The following ANXA11 variants were observed in gnomAD, a reference collection of about 807,000 sequenced individuals.
ANXA11 encodes annexin A11, also known as 56 kDa autoantigen.
ANXA11 carries 57 observed loss-of-function variants against 64.7 expected under a neutral mutation model. The observed-to-expected ratio is 0.88, with a 90% CI of 0.71 to 1.10. The LOEUF (loss-of-function observed/expected upper bound fraction) is 1.10, where lower values mean the gene tolerates loss of function less well. Among genes scored for constraint, ANXA11 ranks in the 50% least tolerant of loss-of-function variants. ANXA11 has a pLI of 0.00. For missense variants in ANXA11, 675 were observed against 670.7 expected (o/e 1.01, Z -0.07); for synonymous variants, 260 against 265.2 (o/e 0.98, Z 0.19).
At chr10:80,188,355 C>G (rs1461414717) in intron 1 of ANXA11, among the ~76,000 whole-genome samples, 1 of 151,894 alleles carries the variant, frequency 6.6e-6, no homozygotes, top group East Asian at 1.9e-4. Context: ...CATTCTAGCT[C>G]TACCTCTTGT....
Position 80,155,865 on chromosome 10 carries a change from A to G in ANXA11, c.1506T>C (p.Gly502=). The G allele has an allele frequency of 6.2e-7, 1 of 1,614,216 alleles. No individual in the cohort carries two copies. Among genetic ancestry groups the G allele is most frequent in the Non-Finnish European group, 8.5e-7 (1 of 1,180,030 alleles). Residue 502 remains glycine (G), a synonymous_variant, in exon 16 of 16, where the codon GGT becomes GGC. Coordinates refer to ENST00000422982, the MANE Select transcript of ANXA11 (RefSeq NM_145868.2). ...DYRKILLKIC[G]GND is the part of the protein sequence containing the mutation. ...CACCAGTCACTGTTCAGTCATTGCC[A>G]CCACAGATCTTCAGCAGAATCTTCC...
At chr10:80,202,250 G>A (rs1220395111) in intron 1 of ANXA11, among the ~76,000 whole-genome samples, 2 of 152,088 alleles carry the variant, frequency 1.3e-5, no homozygotes, top group Admixed American at 6.5e-5. Context: ...AGGATACCTA[G>A]CACAGAGAAC....
intron 1 of ANXA11, among the ~76,000 whole-genome samples, chr10:80,177,103 C>T (rs911307553): frequency 4.6e-5 from 7 of 151,978 alleles, no homozygotes; most frequent in Non-Finnish European, 8.8e-5. Context: ...CCCTAGCCTC[C>T]CAAGTAGCTG....
In ANXA11 at chr10:80,151,016, T is replaced by C. The variant is rs138384433; in HGVS notation, c.*4837A>G. ...TGCTGCTTTTGTGGAAGGACAGACT[T>C]GTGGAATTTCCTATTCCATTTCGTT... On this transcript the variant is annotated 3_prime_UTR_variant, in exon 16 of 16. Coordinates refer to ENST00000422982, the MANE Select transcript of ANXA11 (RefSeq NM_145868.2). 103 of 152,346 alleles carry C rather than the reference T, an allele frequency of 6.8e-4. No homozygotes were observed. Among genetic ancestry groups the C allele is most frequent in the African/African-American group, 2.2e-3 (93 of 41,580 alleles). 9.4% of individuals were successfully genotyped at this position (152,346 alleles called of 1,614,324 possible). A position where few individuals can be genotyped will look rare whatever the true frequency, so the allele number is the denominator to read the frequency against.
At chr10:80,202,206 C>CGGGG (rs1554836428) in intron 1 of ANXA11, among the ~76,000 whole-genome samples, 16 of 147,046 alleles carry the variant, frequency 1.1e-4, no homozygotes, top group African/African-American at 2.8e-4. Flanking sequence ...GGGGGGGAAG[C>CGGGG]GGGGGGTCTC....
chr10:80,156,521 T>C, intron 15 of ANXA11: 1 of 289,914 alleles, frequency 3.4e-6, no homozygotes, highest in Middle Eastern at 4.3e-4. Flanking sequence ...ATTAACTCTC[T>C]TTTTTTTTTT....
At chr10:80,168,947 G>A (rs1343805536) in intron 5 of ANXA11, 22 bp downstream of exon 5, 1 of 1,504,080 alleles carries the variant, frequency 6.6e-7, no homozygotes, top group Admixed American at 2.5e-5. Context: ...TGGACCAAGG[G>A]AGGCAGTGGG....
chr10:80,183,815 C>T (rs1447590160), intron 1 of ANXA11, among the ~76,000 whole-genome samples: 1 of 152,190 alleles, frequency 6.6e-6, no homozygotes, highest in African/African-American at 2.4e-5. Flanking sequence ...GTTCCAGAAA[C>T]CCTCAGTGCA....
intron 1 of ANXA11, among the ~76,000 whole-genome samples, chr10:80,187,469 C>T (rs909322620): frequency 3.9e-5 from 6 of 152,214 alleles, no homozygotes; most frequent in South Asian, 2.1e-4. Flanking sequence ...ATAAGCCACC[C>T]GGTCTATGAT....
intron 1 of ANXA11, among the ~76,000 whole-genome samples, chr10:80,187,464 C>T (rs986229199): frequency 6.6e-6 from 1 of 152,160 alleles, no homozygotes; most frequent in African/African-American, 2.4e-5. Context: ...TGTTTATAAG[C>T]CACCCGGTCT....
intron 15 of ANXA11, chr10:80,157,044 T>C: frequency 1.0e-6 from 1 of 985,278 alleles, no homozygotes; most frequent in Non-Finnish European, 1.2e-6. Flanking sequence ...GGCTAGTGTT[T>C]AATAGACACT....
At chr10:80,192,343 G>A (rs1846813461) in intron 1 of ANXA11, among the ~76,000 whole-genome samples, 1 of 151,908 alleles carries the variant, frequency 6.6e-6, no homozygotes, top group African/African-American at 2.4e-5. Context: ...GACAGCAAAG[G>A]GTCACAGGAC....
intron 1 of ANXA11, among the ~76,000 whole-genome samples, chr10:80,197,959 T>C (rs1328918208): frequency 5.3e-5 from 8 of 151,650 alleles, no homozygotes; most frequent in African/African-American, 1.4e-4. Flanking sequence ...CACTGGGTCT[T>C]GGAGGGGGCC....
Position 80,202,875 on chromosome 10 carries a change from G to A in ANXA11, c.-58+2468C>T, listed in dbSNP as rs569302542. Among the ~76,000 whole-genome samples the A allele has an allele frequency of 1.5e-3, 223 of 151,800 alleles. 1 individual carries two copies. Among genetic ancestry groups the A allele is most frequent in the African/African-American group, 4.8e-3 (197 of 41,410 alleles). On this transcript the variant is annotated intron_variant, in intron 1 of 15. Transcript: ENST00000422982. ...AGCCTGGCCAACATGGTGAAGCCCC[G>A]TCTCTACTAAAAATACAAAAATTAG...
intron 3 of ANXA11, chr10:80,171,710 T>A: frequency 1.0e-6 from 1 of 985,484 alleles, no homozygotes; most frequent in Non-Finnish European, 1.2e-6. Flanking sequence ...TCGGATCGGC[T>A]CTTCATCTCC....
intron 5 of ANXA11, among the ~76,000 whole-genome samples, chr10:80,167,856 C>T (rs1446563645): frequency 6.6e-6 from 1 of 152,166 alleles, no homozygotes; most frequent in African/African-American, 2.4e-5. Context: ...TCCTCCAGAC[C>T]CTGATAGCTG....
intron 9 of ANXA11, 132 bp downstream of exon 9, chr10:80,163,921 G>A: frequency 5.4e-6 from 4 of 743,502 alleles, no homozygotes; most frequent in Non-Finnish European, 2.2e-6. Context: ...CAAAGTATTG[G>A]GGGTGGCAGA....
chr10:80,190,742 C>T (rs1289546675), intron 1 of ANXA11, among the ~76,000 whole-genome samples: 1 of 149,664 alleles, frequency 6.7e-6, no homozygotes, highest in Non-Finnish European at 1.5e-5. Context: ...GCCTTGGCCT[C>T]CCAAAGTGCT....
chr10:80,168,029 A>G (rs544014399), intron 5 of ANXA11, among the ~76,000 whole-genome samples: 1 of 152,252 alleles, frequency 6.6e-6, no homozygotes, highest in Non-Finnish European at 1.5e-5. Context: ...ACGTGTGGGT[A>G]TGGAAGGGAA....
Sources: gnomAD v4.1 joint callset for allele counts (sites outside exome capture counted in the v4.1 genomes callset) on GRCh38, gnomAD v4.1.1 for gene constraint, MANE v1.5 for transcripts, NCBI Gene and HGNC (gene_info 2026-07-23, HGNC 2026-07-21) for gene names.